Variants in HTRA2 observed in about 807,000 individuals in gnomAD.
HTRA2 encodes HtrA serine peptidase 2.
Under a neutral mutation model 42.2 loss-of-function variants are expected in HTRA2, and 24 were observed. The observed-to-expected ratio is 0.57, with a 90% CI of 0.41 to 0.80. The LOEUF (loss-of-function observed/expected upper bound fraction) is 0.80. Among genes scored for constraint, HTRA2 ranks in the 30% least tolerant of loss-of-function variants. The pLI is 0.00. For synonymous variants in HTRA2, 245 were observed against 255.8 expected, an observed-to-expected ratio of 0.96 and a Z score of 0.40; for missense variants, 466 against 613.5, an observed-to-expected ratio of 0.76 and a Z score of 2.54.
upstream of HTRA2, chr2:74,529,819 T>C: frequency 7.0e-7 from 1 of 1,428,134 alleles, no homozygotes; most frequent in Non-Finnish European, 9.1e-7. Flanking sequence ...ACAACTCGCG[T>C]CCGGCGGAGA....
chr2:74,533,169 C>T lies in HTRA2; in HGVS notation c.*184C>T, dbSNP rs1675752389. 1.6e-6 allele frequency: 1 copy of T among 612,912 alleles called. No individual in the cohort carries two copies. The highest frequency in any genetic ancestry group is 2.9e-6 in the Non-Finnish European group (1 of 349,426). The allele number at this position is 612,912 out of a possible 1,614,324, so 38.0% of individuals were successfully genotyped here. The stretch of plus-strand genomic sequence containing the variant: ...CTTTTTATATAAAATAAAATTATAC[C>T]TAGCAACATATTATAGTAAAAAATG... On this transcript the variant is annotated 3_prime_UTR_variant, in exon 8 of 8. Transcript: ENST00000258080.
At chr2:74,531,211 GC>G (rs1675570288) in intron 3 of HTRA2, 106 bp downstream of exon 3, 1 of 1,551,020 alleles carries the variant, frequency 6.4e-7, no homozygotes, top group Non-Finnish European at 8.9e-7. Context: ...TAGAGCTTAG[GC>G]TGCAAAAATG....
rs1350115141 is a variant in HTRA2 at position 74,530,869 on chromosome 2, G to A, written c.712-42G>A. On this transcript the variant is annotated intron_variant, in intron 2 of 7. Coordinates refer to ENST00000258080, the MANE Select transcript of HTRA2 (RefSeq NM_013247.5). This position sits in a 1 kb window ranked among gnomAD's most constrained non-coding sequence, Gnocchi z 7.4. ...TCTGGTTGGAGCTGCTTATTTGCTC[G>A]CATCTTCAGATGACAGGTCTCTTTT... is the stretch of plus-strand genomic sequence containing the variant. 6 of 1,613,946 alleles carry A rather than the reference G, an allele frequency of 3.7e-6. No homozygotes were observed. The South Asian group carries it at 5.5e-5, about 15-fold the overall frequency.
rs1315945986 is a variant in HTRA2 at position 74,532,567 on chromosome 2, G to A, written c.1116-52G>A. The A allele has an allele frequency of 3.5e-6, 5 of 1,429,830 alleles. No individual in the cohort carries two copies. In the East Asian group the frequency reaches 9.1e-5, roughly 26 times the overall value. The allele number at this position is 1,429,830 out of a possible 1,614,324, so 88.6% of individuals were successfully genotyped here. A position where few individuals can be genotyped will look rare whatever the true frequency, so the allele number is the denominator to read the frequency against. ...GATGAGAGACTTGAGGTGGAACTCA[G>A]GATGGGGAGAATGCCTGGGTTTGGC... On this transcript the variant is annotated intron_variant, in intron 6 of 7. Transcript: ENST00000258080.
Position 74,530,464 on chromosome 2 carries a change from T to C in HTRA2, c.458T>C (p.Val153Ala). The C allele has an allele frequency of 6.2e-7, 1 of 1,607,140 alleles. No individual in the cohort carries two copies. Among genetic ancestry groups the C allele is most frequent in the Non-Finnish European group, 8.5e-7 (1 of 1,179,896 alleles). Residue 153 changes from valine to alanine, a missense_variant, in exon 1 of 8, where the codon GTG becomes GCG. Around this residue, in one of 3 missense-constraint regions of HTRA2, gnomAD observed 115 missense variants for 245.4 expected, o/e 0.47. Transcript: ENST00000258080. The surrounding 1 kb of genome is among the most constrained non-coding windows in gnomAD (Gnocchi z 7.4). ...AGTCAGTACAACTTCATCGCAGATGTGGTGGAGAAGACAGCACCTGCCGTG... is the reference window on the plus strand; with the variant it reads ...AGTCAGTACAACTTCATCGCAGATGCGGTGGAGAAGACAGCACCTGCCGTG... ...PRSQYNFIAD[V>A]VEKTAPAVVY...
rs1455668881 is a variant in HTRA2 at position 74,531,382 on chromosome 2, C to A, written c.939+11C>A. On this transcript the variant is annotated intron_variant, in intron 4 of 7. Transcript: ENST00000258080. Reference sequence around the variant, plus strand: ...CCCCTGGTTAACCTGGTGAGTGAGACATCCTTCCTTCCAAGAATCCCTGCC... The same window carrying A: ...CCCCTGGTTAACCTGGTGAGTGAGAAATCCTTCCTTCCAAGAATCCCTGCC... The A allele has an allele frequency of 6.2e-7, 1 of 1,613,948 alleles. No individual in the cohort carries two copies. Among genetic ancestry groups the A allele is most frequent in the Middle Eastern group, 1.6e-4 (1 of 6,062 alleles).
chr2:74,533,384 C>T (rs553781929), downstream of HTRA2: 45 of 564,488 alleles, frequency 8.0e-5, no homozygotes, highest in East Asian at 4.0e-4. Context: ...CTGTTCTGCT[C>T]GGTGCTGGGC....
Position 74,533,197 on chromosome 2 carries a change from G to A in HTRA2, c.*212G>A. On this transcript the variant is annotated 3_prime_UTR_variant, in exon 8 of 8. Coordinates refer to ENST00000258080, the MANE Select transcript of HTRA2 (RefSeq NM_013247.5). ...GCAACATATTATAGTAAAAAATGAG[G>A]TGGGAGGGCTGGATCTTTTCCCCCA... 2 of 587,790 alleles carry A rather than the reference G, an allele frequency of 3.4e-6. No individual in the cohort carries two copies. Among genetic ancestry groups the A allele is most frequent in the Non-Finnish European group, 6.0e-6 (2 of 333,390 alleles). The allele number at this position is 587,790 out of a possible 1,614,324, so 36.4% of individuals were successfully genotyped here.
Position 74,531,052 on chromosome 2 carries a change from C to G in HTRA2, c.853C>G (p.Leu285Val), listed in dbSNP as rs1186703274. 1 of 1,614,194 alleles carries G rather than the reference C, an allele frequency of 6.2e-7. No individual in the cohort carries two copies. The highest frequency in any genetic ancestry group is 1.7e-5 in the Admixed American group (1 of 60,026). ...CTCTGCTCAGCGTCCAGCCAGAGAC[C>G]TGGGACTCCCCCAAACCAATGTGGA... is the stretch of plus-strand genomic sequence containing the variant. ...VSSAQRPARD[L>V]GLPQTNVEYI... Residue 285 changes from leucine (L) to valine (V), a missense_variant, in exon 3 of 8, where the codon CTG becomes GTG. Transcript: ENST00000258080.
Position 74,531,099 on chromosome 2 carries a change from T to A in HTRA2, c.900T>A (p.Ala300=). ...TGGAATACATTCAAACTGATGCAGC[T>A]ATTGATGTGCGTCCTGATAGGAGAG... is the stretch of plus-strand genomic sequence containing the variant. ...TNVEYIQTDA[A]IDFGNSGGPL... Residue 300 remains alanine (A), a synonymous_variant, in exon 3 of 8, where the codon GCT becomes GCA. Coordinates refer to ENST00000258080, the MANE Select transcript of HTRA2 (RefSeq NM_013247.5). 6.2e-7 allele frequency: 1 copy of A among 1,614,066 alleles called. No homozygotes were observed. Among genetic ancestry groups the A allele is most frequent in the Non-Finnish European group, 8.5e-7 (1 of 1,180,006 alleles).
chr2:74,530,919 C>G lies in HTRA2; in HGVS notation c.720C>G (p.Leu240=). The G allele has an allele frequency of 6.2e-7, 1 of 1,614,168 alleles. No individual in the cohort carries two copies. The highest frequency in any genetic ancestry group is 1.3e-5 in the African/African-American group (1 of 75,042). The change falls in exon 3 of 8, where the codon CTC becomes CTG. Residue 240 remains leucine, a synonymous_variant. Coordinates refer to ENST00000258080, the MANE Select transcript of HTRA2 (RefSeq NM_013247.5). The surrounding 1 kb of genome is among the most constrained non-coding windows in gnomAD (Gnocchi z 7.4). The stretch of plus-strand genomic sequence containing the variant: ...TACCCATTCTCCCTTAGGAGCCTCT[C>G]CCCACGCTGCCTCTGGGACGCTCAG... ...ATLRIQTKEP[L]PTLPLGRSAD...
intron 6 of HTRA2, chr2:74,532,349 C>T: frequency 2.0e-6 from 1 of 501,036 alleles, no homozygotes; most frequent in East Asian, 3.9e-5. Context: ...AGTTCTTTCC[C>T]CTTAAAGCTT....
chr2:74,530,217 T>C lies in HTRA2; in HGVS notation c.211T>C (p.Cys71Arg), dbSNP rs772399363. ...LSVGVTEPRACLTSGTPGPRA... is the reference protein window; with the variant it reads ...LSVGVTEPRARLTSGTPGPRA... ...TGTTGGGGTCACTGAACCCCGAGCA[T>C]GCCTGACGTCTGGGACCCCGGGTCC... The change falls in exon 1 of 8, where the codon TGC becomes CGC. Residue 71 changes from cysteine to arginine, a missense_variant. Around this residue, in one of 3 missense-constraint regions of HTRA2, gnomAD observed 222 missense variants for 205.1 expected, o/e 1.08. Coordinates refer to ENST00000258080, the MANE Select transcript of HTRA2 (RefSeq NM_013247.5). The surrounding 1 kb of genome is among the most constrained non-coding windows in gnomAD (Gnocchi z 7.4). 6.2e-7 allele frequency: 1 copy of C among 1,610,854 alleles called. No homozygotes were observed. The highest frequency in any genetic ancestry group is 8.5e-7 in the Non-Finnish European group (1 of 1,178,782).
Position 74,530,737 on chromosome 2 carries a change from A to G in HTRA2, c.627A>G (p.Arg209=), listed in dbSNP as rs149169879. 804 of 1,614,136 alleles carry G rather than the reference A, an allele frequency of 5.0e-4. 3 individuals are homozygous for G. The highest frequency in any genetic ancestry group is 2.1e-3 in the Middle Eastern group (13 of 6,062). The change falls in exon 2 of 8, where the codon AGA becomes AGG. Residue 209 remains arginine (R), a synonymous_variant. Transcript: ENST00000258080. This position sits in a 1 kb window ranked among gnomAD's most constrained non-coding sequence, Gnocchi z 7.4. The part of the protein sequence containing the change: ...VVADRRRVRV[R]LLSGDTYEAV... Reference sequence around the variant, plus strand: ...CTGATCGGCGCAGAGTCCGTGTGAGACTGCTAAGCGGCGACACGTATGAGG... The same window carrying G: ...CTGATCGGCGCAGAGTCCGTGTGAGGCTGCTAAGCGGCGACACGTATGAGG...
chr2:74,532,578 A>G (rs767962028), intron 6 of HTRA2, 41 bp from the exon 7 acceptor site: 1 of 1,513,286 alleles, frequency 6.6e-7, no homozygotes, highest in South Asian at 1.1e-5. Context: ...GATGGGGAGA[A>G]TGCCTGGGTT....
rs1675486832 is a variant in HTRA2 at position 74,530,258 on chromosome 2, T to G, written c.252T>G (p.Thr84=). Residue 84 remains threonine, a synonymous_variant, in exon 1 of 8, where the codon ACT becomes ACG. Transcript: ENST00000258080. The surrounding 1 kb of genome is among the most constrained non-coding windows in gnomAD (Gnocchi z 7.4). ...CCCCGGGTCCCCGGGCACAACTGAC[T>G]GCGGTGACCCCAGATACCAGGACCC... ...SGTPGPRAQL[T]AVTPDTRTRE... 2 of 1,608,800 alleles carry G rather than the reference T, an allele frequency of 1.2e-6. No individual in the cohort carries two copies. The highest frequency in any genetic ancestry group is 1.7e-4 in the Middle Eastern group (1 of 6,050).
chr2:74,532,466 A>G (rs1408833328), intron 6 of HTRA2, 153 bp from the exon 7 acceptor site: 11 of 696,508 alleles, frequency 1.6e-5, no homozygotes, highest in South Asian at 1.4e-4. Context: ...CTTTATTGCT[A>G]GAAGACAGAA....
At chr2:74,531,985 C>T in intron 6 of HTRA2, 60 bp downstream of exon 6, 2 of 1,466,488 alleles carry the variant, frequency 1.4e-6, no homozygotes, top group South Asian at 2.3e-5. Flanking sequence ...GGGGGCACCT[C>T]TATTGAGCTT....
At chr2:74,532,013 TTATC>T (rs1675648672) in intron 6 of HTRA2, 88 bp downstream of exon 6, 5 of 1,214,622 alleles carry the variant, frequency 4.1e-6, no homozygotes, top group African/African-American at 1.5e-5. Flanking sequence ...ATTTCTGTCT[TTATC>T]TAAGATGAAC....
Sources: allele counts gnomAD v4.1 joint callset, GRCh38; gene constraint gnomAD v4.1.1; regional missense constraint gnomAD v4.1.1; non-coding constraint Gnocchi (gnomAD v3.1); transcripts MANE v1.5; gene names NCBI Gene and HGNC (gene_info 2026-07-23, HGNC 2026-07-21).